Variants in INSR observed in about 807,000 individuals in gnomAD.
The protein encoded by INSR is insulin receptor.
Under a neutral mutation model 142.6 loss-of-function variants are expected in INSR, and 67 were observed. That is an observed-to-expected ratio of 0.47 (90% confidence interval 0.39 to 0.58). The LOEUF (loss-of-function observed/expected upper bound fraction) is 0.58. INSR is among the 20% of genes least tolerant of loss of function. The pLI is 0.00. For synonymous variants in INSR, 756 were observed against 743.1 expected (o/e 1.02, Z -0.28); for missense variants, 1,248 against 1,833.2 (o/e 0.68, Z 5.83).
intron 1 of INSR, among the ~76,000 whole-genome samples, chr19:7,289,964 G>A (rs1968448138): frequency 1.3e-5 from 2 of 152,296 alleles, no homozygotes; most frequent in East Asian, 1.9e-4. Flanking sequence ...AAGATTGAGA[G>A]TTCTGCTTAA....
In INSR at chr19:7,225,011, C is replaced by A. The variant is rs1199864242; in HGVS notation, c.653-40374G>T. Among the ~76,000 whole-genome samples the A allele has an allele frequency of 1.3e-5, 2 of 151,934 alleles. No homozygotes were observed. The highest frequency in any genetic ancestry group is 4.8e-5 in the African/African-American group (2 of 41,354). On this transcript the variant is annotated intron_variant, in intron 2 of 21. Coordinates refer to ENST00000302850, the MANE Select transcript of INSR (RefSeq NM_000208.4). This position sits in a 1 kb window ranked among gnomAD's most constrained non-coding sequence, Gnocchi z 4.7. ...AGACAGAGACAGAGAGGGGAGTATC[C>A]CATTAAGGCAGCAGGGCAGCAGCAA...
chr19:7,135,358 C>T (rs1312398157), intron 13 of INSR, among the ~76,000 whole-genome samples: 2 of 134,444 alleles, frequency 1.5e-5, no homozygotes, highest in Non-Finnish European at 3.1e-5. Context: ...TCTTGTCACC[C>T]AGGCTGGAGT....
intron 2 of INSR, among the ~76,000 whole-genome samples, chr19:7,219,466 G>A (rs1034491974): frequency 2.3e-5 from 2 of 85,278 alleles, no homozygotes; most frequent in East Asian, 7.6e-4. Flanking sequence ...GAGAGAGAGA[G>A]AGAGAAAAGG....
chr19:7,118,870 G>A (rs1180946614), intron 21 of INSR, among the ~76,000 whole-genome samples: 1 of 135,514 alleles, frequency 7.4e-6, no homozygotes, highest in Non-Finnish European at 1.5e-5. Context: ...AGCCGAGCTC[G>A]CACCACTGCA....
chr19:7,252,103 G>A (rs1429750904), intron 2 of INSR, among the ~76,000 whole-genome samples: 1 of 151,562 alleles, frequency 6.6e-6, no homozygotes, highest in Admixed American at 6.6e-5. Flanking sequence ...GCGAAACCCT[G>A]TCTCTACTGA....
rs1288918207 is a variant in INSR, at chr19:7,114,710, T to G, written c.*2346A>C. 6.6e-6 allele frequency: 1 copy of G among 152,636 alleles called. No individual in the cohort carries two copies. Among genetic ancestry groups the G allele is most frequent in the Non-Finnish European group, 1.5e-5 (1 of 68,042 alleles). The allele number at this position is 152,636 out of a possible 1,614,324, so 9.5% of individuals were successfully genotyped here. A position where few individuals can be genotyped will look rare whatever the true frequency, so the allele number is the denominator to read the frequency against. On this transcript the variant is annotated 3_prime_UTR_variant, in exon 22 of 22. Coordinates refer to ENST00000302850, the MANE Select transcript of INSR (RefSeq NM_000208.4). Reference sequence around the variant, plus strand: ...CACTATCCCCCATTCACCTGTTTATTTTTCTTTGATAAAAATTTACATGCG... The same window carrying G: ...CACTATCCCCCATTCACCTGTTTATGTTTCTTTGATAAAAATTTACATGCG...
chr19:7,127,272 C>A (rs572115442), intron 15 of INSR, among the ~76,000 whole-genome samples: 2 of 152,118 alleles, frequency 1.3e-5, no homozygotes, highest in Admixed American at 1.3e-4. Flanking sequence ...TGTTCTAGAG[C>A]GAGCTCATCC....
At chr19:7,162,649 C>T (rs1374738583) in intron 9 of INSR, among the ~76,000 whole-genome samples, 1 of 151,574 alleles carries the variant, frequency 6.6e-6, no homozygotes, top group African/African-American at 2.4e-5. Flanking sequence ...GGAGAAACCC[C>T]GTCCCTACTA....
Position 7,119,517 on chromosome 19 carries a change from A to G in INSR, c.3726T>C (p.Asn1242=). The part of the protein sequence containing the change: ...LAEQPYQGLS[N]EQVLKFVMDG... ...CCATGACAAATTTCAACACCTGTTC[A>G]TTAGACAGGCCTTGGTAAGGCTGTT... Residue 1242 remains asparagine (N), a synonymous_variant, in exon 21 of 22, where the codon AAT becomes AAC. Coordinates refer to ENST00000302850, the MANE Select transcript of INSR (RefSeq NM_000208.4). This position sits in a 1 kb window ranked among gnomAD's most constrained non-coding sequence, Gnocchi z 5.2. 1 of 1,614,222 alleles carries G rather than the reference A, an allele frequency of 6.2e-7. No homozygotes were observed. Among genetic ancestry groups the G allele is most frequent in the South Asian group, 1.1e-5 (1 of 91,090 alleles).
chr19:7,241,596 T>C (rs1468586147), intron 2 of INSR, among the ~76,000 whole-genome samples: 2 of 152,110 alleles, frequency 1.3e-5, no homozygotes, highest in Non-Finnish European at 2.9e-5. Context: ...CACTCCAGCC[T>C]GGGCGACAGA....
rs1345998417 is a variant in INSR at position 7,113,326 on chromosome 19, G to A, written c.*3730C>T. On this transcript the variant is annotated 3_prime_UTR_variant, in exon 22 of 22. Coordinates refer to ENST00000302850, the MANE Select transcript of INSR (RefSeq NM_000208.4). ...TGGTAACATAGTCCCCAGGGTCACA[G>A]GATGACCTATGCAGACCCTTGTGTC... The A allele has an allele frequency of 6.6e-6, 1 of 152,188 alleles. No homozygotes were observed. The highest frequency in any genetic ancestry group is 1.5e-5 in the Non-Finnish European group (1 of 68,044). The allele number at this position is 152,188 out of a possible 1,614,324, so 9.4% of individuals were successfully genotyped here.
intron 2 of INSR, among the ~76,000 whole-genome samples, chr19:7,229,047 A>G (rs1975872682): frequency 2.0e-5 from 3 of 148,278 alleles, no homozygotes; most frequent in East Asian, 2.0e-4. Context: ...GGATGAGTGG[A>G]TGTATGGATG....
chr19:7,267,867 G>GGTT lies in INSR; in HGVS notation c.127_129dup (p.Asn43dup). 6.2e-7 allele frequency: 1 copy of GGTT among 1,614,038 alleles called. No individual in the cohort carries two copies. The highest frequency in any genetic ancestry group is 8.5e-7 in the Non-Finnish European group (1 of 1,179,998). ...TTCTCCAGCTCATGCAACCTAGTGA[G>GGTT]GTTGTTCCGGATATCCATGCCGGGA... On this transcript the variant is annotated inframe_insertion, in exon 2 of 22. Transcript: ENST00000302850. The surrounding 1 kb of genome is among the most constrained non-coding windows in gnomAD (Gnocchi z 6.3).
In INSR at chr19:7,168,183, C is replaced by A. The variant is rs112878279; in HGVS notation, c.1484-89G>T. 7 of 1,349,378 alleles carry A rather than the reference C, an allele frequency of 5.2e-6. No homozygotes were observed. The highest frequency in any genetic ancestry group is 6.3e-6 in the Non-Finnish European group (6 of 948,220). 83.6% of individuals were successfully genotyped at this position (1,349,378 alleles called of 1,614,324 possible). On this transcript the variant is annotated intron_variant, in intron 6 of 21. Transcript: ENST00000302850. The surrounding 1 kb of genome is among the most constrained non-coding windows in gnomAD (Gnocchi z 4.3). ...GGACCCCCACACTTCCTGGAGGGAC[C>A]GTGAGAAGGCAGAGGTGACGCTGCT...
intron 2 of INSR, among the ~76,000 whole-genome samples, chr19:7,205,245 CAGAG>C (rs1042998627): frequency 6.6e-6 from 1 of 152,178 alleles, no homozygotes; most frequent in African/African-American, 2.4e-5. Flanking sequence ...AGAGGGTAGA[CAGAG>C]AGAAATCTTT....
intron 2 of INSR, among the ~76,000 whole-genome samples, chr19:7,214,895 CCTT>C (rs924918590): frequency 2.6e-4 from 38 of 148,314 alleles, no homozygotes; most frequent in African/African-American, 8.4e-4. Context: ...TTGTTCCCTC[CCTT>C]TTTTTTCCTT....
At chr19:7,281,211 A>G (rs1168426599) in intron 1 of INSR, among the ~76,000 whole-genome samples, 1 of 152,202 alleles carries the variant, frequency 6.6e-6, no homozygotes, top group Non-Finnish European at 1.5e-5. Context: ...TCACTTTGTA[A>G]CAGGTGGTAT....
chr19:7,208,242 C>G (rs956592187), intron 2 of INSR, among the ~76,000 whole-genome samples: 1 of 152,144 alleles, frequency 6.6e-6, no homozygotes, highest in East Asian at 1.9e-4. Context: ...CCCACCTCAC[C>G]TTGAACTTCC....
chr19:7,119,440 T>C lies in INSR; in HGVS notation c.3794+9A>G. The stretch of plus-strand genomic sequence containing the variant: ...CACCTCACACACCTTAAACCCTTTC[T>C]ACACTTACACTCTCTCTGGACAGTT... On this transcript the variant is annotated intron_variant, in intron 21 of 21. Coordinates refer to ENST00000302850, the MANE Select transcript of INSR (RefSeq NM_000208.4). The surrounding 1 kb of genome is among the most constrained non-coding windows in gnomAD (Gnocchi z 5.2). 6.2e-7 allele frequency: 1 copy of C among 1,614,206 alleles called. No homozygotes were observed. The highest frequency in any genetic ancestry group is 8.5e-7 in the Non-Finnish European group (1 of 1,180,026).
Sources: gnomAD v4.1 joint callset for allele counts (sites outside exome capture counted in the v4.1 genomes callset) on GRCh38, gnomAD v4.1.1 for gene constraint, Gnocchi (gnomAD v3.1) non-coding constraint, MANE v1.5 for transcripts, NCBI Gene and HGNC (gene_info 2026-07-23, HGNC 2026-07-21) for gene names.